The following MGA variants were observed in gnomAD, a reference collection of about 807,000 sequenced individuals.
MGA encodes MAX gene-associated protein.
A neutral mutation model predicts 261.1 loss-of-function variants in MGA; 40 were observed. The observed-to-expected ratio is 0.15, with a 90% CI of 0.12 to 0.20. The LOEUF (loss-of-function observed/expected upper bound fraction) is 0.20. Among genes scored for constraint, MGA ranks in the 10% least tolerant of loss-of-function variants. The pLI is 1.00. For synonymous variants in MGA, 1,302 were observed against 1,290.6 expected (o/e 1.01, Z -0.19); for missense variants, 3,397 against 3,630.5 (o/e 0.94, Z 1.65).
intron 1 of MGA, among the ~76,000 whole-genome samples, chr15:41,642,930 T>G (rs949556910): frequency 2.7e-5 from 4 of 150,654 alleles, no homozygotes. Context: ...TTTTTTCTTT[T>G]GAGACTGGGT....
chr15:41,742,762 C>A lies in MGA; in HGVS notation c.4802C>A (p.Thr1601Asn). The A allele has an allele frequency of 6.2e-7, 1 of 1,613,974 alleles. No individual in the cohort carries two copies. The highest frequency in any genetic ancestry group is 2.2e-5 in the East Asian group (1 of 44,888). ...GTGACTGCTGCTGTCACTACTACCA[C>A]CCCTCAAGTGTTTTTAGAAAATACT... The change falls in exon 15 of 24, where the codon ACC (threonine) becomes AAC (asparagine). Residue 1601 changes from threonine (T) to asparagine (N), a missense_variant. By Grantham distance (65) the Thr-to-Asn change is moderately conservative. Around this residue, in one of 9 missense-constraint regions of MGA, gnomAD observed 1,410 missense variants for 1,386.4 expected, o/e 1.02. Coordinates refer to ENST00000219905, the MANE Select transcript of MGA (RefSeq NM_001164273.2).
chr15:41,630,069 G>A (rs896518854), intron 1 of MGA, among the ~76,000 whole-genome samples: 1 of 152,174 alleles, frequency 6.6e-6, no homozygotes, highest in East Asian at 1.9e-4. Flanking sequence ...GCATACCAGA[G>A]CCTTCATTGT....
intron 13 of MGA, among the ~76,000 whole-genome samples, chr15:41,738,585 A>G (rs2577951): frequency 0.75 from 113,285 of 151,996 alleles, 43,166 homozygotes; most frequent in East Asian, 0.89. Context: ...TACAATTTCT[A>G]GTGAGACTAG....
At chr15:41,691,679 CT>C in intron 2 of MGA, 2 of 515,156 alleles carry the variant, frequency 3.9e-6, no homozygotes, top group Non-Finnish European at 8.1e-6. Flanking sequence ...TTAAAGGCTT[CT>C]TTTGGTAGGT....
intron 11 of MGA, among the ~76,000 whole-genome samples, chr15:41,734,232 C>G (rs968661513): frequency 6.6e-6 from 1 of 151,446 alleles, no homozygotes; most frequent in African/African-American, 2.4e-5. Flanking sequence ...TTCTGAATAA[C>G]TGTAGTTTGT....
At chr15:41,747,333 T>A (rs1671221690) in intron 15 of MGA, among the ~76,000 whole-genome samples, 1 of 152,216 alleles carries the variant, frequency 6.6e-6, no homozygotes, top group Non-Finnish European at 1.5e-5. Context: ...TTTAGTTCTT[T>A]ATCTTCCTCA....
rs1312979845 is a variant in MGA at position 41,749,868 on chromosome 15, G to GACC, written c.6263_6265dup (p.Thr2088dup). ...AAAAAGTGGCTGTTCTGGAAGTTAG[G>GACC]ACCATTTCTGAAAAAGCCAGTAATA... On this transcript the variant is annotated inframe_insertion, in exon 17 of 24. Transcript: ENST00000219905. 1.9e-6 allele frequency: 3 copies of GACC among 1,613,774 alleles called. No individual in the cohort carries two copies. In the Admixed American group the frequency reaches 5.0e-5, roughly 27 times the overall value.
rs545229782 is a variant in MGA at position 41,654,539 on chromosome 15, G to A, written c.-67-14289G>A. 2.0e-5 allele frequency among the ~76,000 whole-genome samples: 3 copies of A among 152,214 alleles called. No individual in the cohort carries two copies. In the South Asian group the frequency reaches 6.2e-4, roughly 32 times the overall value. Reference sequence around the variant, plus strand: ...TGATCACCATAGCTCTTTTCCCTGAGGCAGTATTGCCCTTCATGTAAAGGA... The same window carrying A: ...TGATCACCATAGCTCTTTTCCCTGAAGCAGTATTGCCCTTCATGTAAAGGA... On this transcript the variant is annotated intron_variant, in intron 1 of 8. Transcript: ENST00000566718.
chr15:41,629,229 G>A (rs982783687), intron 1 of MGA, among the ~76,000 whole-genome samples: 3 of 151,950 alleles, frequency 2.0e-5, no homozygotes, highest in African/African-American at 7.2e-5. Context: ...TTTCAAGGTA[G>A]AACCAACAGG....
intron 15 of MGA, among the ~76,000 whole-genome samples, chr15:41,745,597 AAT>A (rs1555433011): frequency 6.6e-6 from 1 of 151,840 alleles, no homozygotes; most frequent in Admixed American, 6.6e-5. Flanking sequence ...ATTTAAAAAA[AAT>A]ATATATCTAT....
rs894140585 is a variant in MGA, at chr15:41,768,692, C to T, written c.*1412C>T. The T allele has an allele frequency of 1.3e-5, 2 of 152,618 alleles. No individual in the cohort carries two copies. Among genetic ancestry groups the T allele is most frequent in the African/African-American group, 4.8e-5 (2 of 41,444 alleles). 9.5% of individuals were successfully genotyped at this position (152,618 alleles called of 1,614,324 possible). On this transcript the variant is annotated 3_prime_UTR_variant, in exon 24 of 24. Transcript: ENST00000219905. ...GTTAAAACACTAACACAAGAGCTTCCAGTGCCTGGGCCGTGCCTAGGTGAT... is the reference window on the plus strand; with the variant it reads ...GTTAAAACACTAACACAAGAGCTTCTAGTGCCTGGGCCGTGCCTAGGTGAT...
At chr15:41,652,473 C>G (rs994053495) in intron 1 of MGA, among the ~76,000 whole-genome samples, 2 of 151,740 alleles carry the variant, frequency 1.3e-5, no homozygotes, top group Non-Finnish European at 2.9e-5. Flanking sequence ...TCAAATGATC[C>G]TCCCACCTCA....
At chr15:41,714,458 G>C (rs1455638119) in intron 9 of MGA, among the ~76,000 whole-genome samples, 2 of 152,178 alleles carry the variant, frequency 1.3e-5, no homozygotes, top group Non-Finnish European at 1.5e-5. Flanking sequence ...AACATTTGTA[G>C]ATGTCACTAG....
chr15:41,724,389 A>C (rs1244724262), intron 9 of MGA, among the ~76,000 whole-genome samples: 1 of 152,150 alleles, frequency 6.6e-6, no homozygotes, highest in African/African-American at 2.4e-5. Flanking sequence ...TCCCCCCAAA[A>C]GCTACCTGAA....
At chr15:41,753,977 G>A (rs1013003038) in intron 17 of MGA, among the ~76,000 whole-genome samples, 7 of 152,014 alleles carry the variant, frequency 4.6e-5, no homozygotes, top group African/African-American at 1.7e-4. Flanking sequence ...GGTGTGCAGT[G>A]GTGCAGTCTT....
intron 12 of MGA, 145 bp from the exon 13 acceptor site, chr15:41,736,036 C>A: frequency 1.3e-6 from 1 of 762,896 alleles, no homozygotes; most frequent in African/African-American, 1.8e-5. Flanking sequence ...TGGAAAACTC[C>A]CAAATTGTGA....
chr15:41,697,463 C>T lies in MGA; in HGVS notation c.2013+440C>T, dbSNP rs556937568. Among the ~76,000 whole-genome samples, 30 of 145,184 alleles carry T rather than the reference C, an allele frequency of 2.1e-4. No individual in the cohort carries two copies. The Admixed American group carries it at 2.1e-3, about 10-fold the overall frequency. On this transcript the variant is annotated intron_variant, in intron 3 of 23. Coordinates refer to ENST00000219905, the MANE Select transcript of MGA (RefSeq NM_001164273.2). The stretch of plus-strand genomic sequence containing the variant: ...ACAGAGTCTTGCTCTGTTGCCCAGG[C>T]TGGAGTTCAGTGGCACGATCTCAGC...
chr15:41,691,752 C>T (rs1724408402), intron 2 of MGA: 1 of 296,938 alleles, frequency 3.4e-6, no homozygotes, highest in Non-Finnish European at 7.7e-6. Flanking sequence ...TGTCTTCTGA[C>T]TTACATAGTT....
At position 41,760,493 on chromosome 15, in the gene MGA, T is replaced by C. The variant is rs2151993705; in HGVS notation, c.7362T>C (p.His2454=). Residue 2454 remains histidine, a synonymous_variant, in exon 20 of 24, where the codon CAT becomes CAC. Transcript: ENST00000219905. ...TAAAGATCACATTGGGATTACTTCATTCTTCCAAGGTTTCCAAAAGTCTCA... is the reference window on the plus strand; with the variant it reads ...TAAAGATCACATTGGGATTACTTCACTCTTCCAAGGTTTCCAAAAGTCTCA... The C allele has an allele frequency of 6.2e-7, 1 of 1,614,048 alleles. No individual in the cohort carries two copies. Among genetic ancestry groups the C allele is most frequent in the Non-Finnish European group, 8.5e-7 (1 of 1,179,886 alleles).
Sources: gnomAD v4.1 joint callset for allele counts (sites outside exome capture counted in the v4.1 genomes callset) on GRCh38, gnomAD v4.1.1 for gene constraint, gnomAD v4.1.1 regional missense constraint, MANE v1.5 for transcripts, NCBI Gene and HGNC (gene_info 2026-07-23, HGNC 2026-07-21) for gene names.